The following FBN2 variants were observed in gnomAD, a reference collection of about 807,000 sequenced individuals.
The protein encoded by FBN2 is fibrillin-2.
A neutral mutation model predicts 355.6 loss-of-function variants in FBN2; 105 were observed. The ratio of observed to expected loss-of-function variants is 0.30; its 90% CI spans 0.25 to 0.35. The LOEUF (loss-of-function observed/expected upper bound fraction) is 0.35, where lower values mean the gene tolerates loss of function less well. Ranked by LOEUF, FBN2 falls within the 10% of genes least tolerant of loss-of-function variation. The pLI is 1.00. For synonymous variants in FBN2, 1,350 were observed against 1,301.2 expected, an observed-to-expected ratio of 1.04 and a Z score of -0.81; for missense variants, 3,280 against 3,758.7, an observed-to-expected ratio of 0.87 and a Z score of 3.33.
intron 48 of FBN2, among the ~76,000 whole-genome samples, chr5:128,293,948 T>C (rs1257749219): frequency 6.6e-6 from 1 of 152,090 alleles, no homozygotes; most frequent in East Asian, 1.9e-4. Flanking sequence ...TAACTCGTCA[T>C]CTAGCATTAG....
At chr5:128,311,555 T>C (rs1296957390) in intron 38 of FBN2, 130 bp from the exon 39 acceptor site, 3 of 949,662 alleles carry the variant, frequency 3.2e-6, no homozygotes, top group Non-Finnish European at 1.6e-6. Flanking sequence ...CACACTTAGA[T>C]GGCAAGTTTA....
intron 7 of FBN2, among the ~76,000 whole-genome samples, chr5:128,437,299 C>G (rs1035378079): frequency 1.5e-4 from 23 of 151,962 alleles, no homozygotes; most frequent in African/African-American, 5.1e-4. Flanking sequence ...ATATTGTATC[C>G]CACTCTAAAG....
Position 128,500,430 on chromosome 5 carries a change from C to CTTTTTTTTTTTTTTT in FBN2, c.628+18828_628+18842dup, listed in dbSNP as rs149068555. 1.8e-4 allele frequency among the ~76,000 whole-genome samples: 9 copies of CTTTTTTTTTTTTTTT among 51,192 alleles called. 3 individuals carry two copies. The highest frequency in any genetic ancestry group is 8.4e-4 in the African/African-American group (8 of 9,566). 33.6% of individuals were successfully genotyped at this position (51,192 alleles called of 152,430 possible). ...TGAAAATGATGAGACTCTGACAATT[C>CTTTTTTTTTTTTTTT]TTTTTTTTTTTTTTTTTTTTTTTTT... On this transcript the variant is annotated intron_variant, in intron 5 of 64. Coordinates refer to ENST00000262464, the MANE Select transcript of FBN2 (RefSeq NM_001999.4).
chr5:128,438,651 A>G (rs146563413), intron 7 of FBN2, among the ~76,000 whole-genome samples: 15 of 152,150 alleles, frequency 9.9e-5, no homozygotes, highest in African/African-American at 3.6e-4. Flanking sequence ...AAAGGTTGCA[A>G]TGCCCTGTGA....
At position 128,258,828 on chromosome 5, in the gene FBN2, T is replaced by C. The variant is rs963229504; in HGVS notation, c.*627A>G. 1.7e-4 allele frequency: 26 copies of C among 153,288 alleles called. 1 individual carries two copies. The highest frequency in any genetic ancestry group is 1.7e-3 in the Admixed American group (26 of 15,338). 9.5% of individuals were successfully genotyped at this position (153,288 alleles called of 1,614,324 possible). On this transcript the variant is annotated 3_prime_UTR_variant, in exon 65 of 65. Coordinates refer to ENST00000262464, the MANE Select transcript of FBN2 (RefSeq NM_001999.4). ...TCTAATGACATTCATGTTTTTTAAATTATTGATTACACTGCCCATTCAGCT... is the reference window on the plus strand; with the variant it reads ...TCTAATGACATTCATGTTTTTTAAACTATTGATTACACTGCCCATTCAGCT...
chr5:128,343,309 G>A (rs1426717646), intron 25 of FBN2, among the ~76,000 whole-genome samples: 4 of 152,220 alleles, frequency 2.6e-5, no homozygotes, highest in Non-Finnish European at 5.9e-5. Context: ...AACAGCCAGA[G>A]TGGAGAAAAC....
chr5:128,477,426 C>A (rs145519512), intron 5 of FBN2, among the ~76,000 whole-genome samples: 336 of 152,184 alleles, frequency 2.2e-3, no homozygotes, highest in Non-Finnish European at 3.9e-3. Flanking sequence ...AATTCAAAGG[C>A]ATCCTGGAAT....
chr5:128,403,728 G>A (rs1446995925), intron 8 of FBN2, among the ~76,000 whole-genome samples: 1 of 151,606 alleles, frequency 6.6e-6, no homozygotes, highest in African/African-American at 2.4e-5. Context: ...ACTGGCACAT[G>A]TTAGTGCTCT....
intron 25 of FBN2, among the ~76,000 whole-genome samples, chr5:128,343,847 T>C (rs932687155): frequency 6.6e-6 from 1 of 152,204 alleles, no homozygotes; most frequent in Non-Finnish European, 1.5e-5. Flanking sequence ...TTCCTAAATA[T>C]AAAACAAACA....
intron 15 of FBN2, among the ~76,000 whole-genome samples, chr5:128,369,662 T>G (rs1751879488): frequency 6.6e-6 from 1 of 152,220 alleles, no homozygotes. Context: ...GGAGCTCTAA[T>G]CACTGGCTAT....
intron 7 of FBN2, among the ~76,000 whole-genome samples, chr5:128,443,091 T>G (rs1215703856): frequency 6.6e-6 from 1 of 152,220 alleles, no homozygotes; most frequent in Non-Finnish European, 1.5e-5. Flanking sequence ...AGAAGACATT[T>G]CTTTCTTTTA....
chr5:128,410,184 G>A (rs1302712168), intron 7 of FBN2, among the ~76,000 whole-genome samples: 1 of 152,186 alleles, frequency 6.6e-6, no homozygotes, highest in Non-Finnish European at 1.5e-5. Context: ...GACTACATGA[G>A]GAGTAAATAC....
At chr5:128,377,364 T>C (rs1752104557) in intron 13 of FBN2, among the ~76,000 whole-genome samples, 1 of 152,166 alleles carries the variant, frequency 6.6e-6, no homozygotes, top group African/African-American at 2.4e-5. Flanking sequence ...CTCCAGTTTG[T>C]GGAGGAAGGG....
chr5:128,393,012 AACAC>A, intron 10 of FBN2, 119 bp downstream of exon 10: 1 of 800,446 alleles, frequency 1.2e-6, no homozygotes, highest in Non-Finnish European at 2.2e-6. Flanking sequence ...CGCACCCACA[AACAC>A]ACACACACAT....
chr5:128,510,130 G>A (rs576638456), intron 5 of FBN2, among the ~76,000 whole-genome samples: 30 of 152,250 alleles, frequency 2.0e-4, no homozygotes, highest in South Asian at 6.2e-4. Flanking sequence ...CTGCTAGGCC[G>A]TGCCTGGATT....
chr5:128,261,605 G>A (rs1290631674), intron 64 of FBN2, 131 bp downstream of exon 64: 1 of 804,342 alleles, frequency 1.2e-6, no homozygotes, highest in Non-Finnish European at 2.2e-6. Flanking sequence ...TTCCATACTG[G>A]GTCCATTAAT....
intron 6 of FBN2, among the ~76,000 whole-genome samples, chr5:128,447,432 A>C (rs1438115021): frequency 6.6e-6 from 1 of 152,126 alleles, no homozygotes; most frequent in African/African-American, 2.4e-5. Context: ...TAGATAAGGG[A>C]TGAAATAAGC....
rs750915525 is a variant in FBN2, at chr5:128,446,468, TAG to T, written c.952+11_952+12del. 15 of 1,613,242 alleles carry T rather than the reference TAG, an allele frequency of 9.3e-6. No homozygotes were observed. In the Admixed American group the frequency reaches 2.5e-4, roughly 27 times the overall value. On this transcript the variant is annotated intron_variant, in intron 7 of 64. Transcript: ENST00000262464. The stretch of plus-strand genomic sequence containing the variant: ...TCACAATTAGGCATGCTTCCCAAAG[TAG>T]AGAGACTCACCTTCACATTTCTGAG...
intron 55 of FBN2, among the ~76,000 whole-genome samples, chr5:128,282,507 T>C (rs930324022): frequency 6.6e-6 from 1 of 152,138 alleles, no homozygotes; most frequent in African/African-American, 2.4e-5. Flanking sequence ...ACTCAGGATA[T>C]ACTGCCTGAG....
Sources: allele counts gnomAD v4.1 joint callset (sites outside exome capture counted in the v4.1 genomes callset), GRCh38; gene constraint gnomAD v4.1.1; transcripts MANE v1.5; gene names NCBI Gene and HGNC (gene_info 2026-07-23, HGNC 2026-07-21).